SCHIP1: variants seen among roughly 807,000 people sequenced by gnomAD.
The protein encoded by SCHIP1 is schwannomin-interacting protein 1.
A neutral mutation model predicts 29.7 loss-of-function variants in SCHIP1; 8 were observed. The ratio of observed to expected loss-of-function variants is 0.27; its 90% CI spans 0.16 to 0.49. The LOEUF (loss-of-function observed/expected upper bound fraction) is 0.49. Among genes scored for constraint, SCHIP1 ranks in the 20% least tolerant of loss-of-function variants. The pLI is 0.99. For synonymous variants in SCHIP1, 76 were observed against 94.9 expected (o/e 0.80, Z 1.16); for missense variants, 193 against 294.6 (o/e 0.66, Z 2.52).
chr3:159,490,276 G>A, the SCHIP1 span, among the ~76,000 whole-genome samples: 3 of 152,106 alleles, frequency 2.0e-5, no homozygotes, highest in African/African-American at 7.2e-5. Flanking sequence ...AATGTTCAAG[G>A]CATTGTTGCT....
chr3:159,892,365 C>G (rs1717623326), intron 6 of SCHIP1, 175 bp downstream of exon 7: 2 of 684,210 alleles, frequency 2.9e-6, no homozygotes, highest in Non-Finnish European at 2.5e-6. Flanking sequence ...ATTGTCCTTA[C>G]CAAATGCATG....
the SCHIP1 span, among the ~76,000 whole-genome samples, chr3:159,706,860 G>C: frequency 2.6e-5 from 4 of 152,114 alleles, no homozygotes; most frequent in African/African-American, 4.8e-5. Context: ...CTGACTCAAG[G>C]CATCTTTAAT....
the SCHIP1 span, among the ~76,000 whole-genome samples, chr3:159,576,364 C>T: frequency 3.9e-4 from 60 of 152,230 alleles, 1 homozygote; most frequent in South Asian, 7.7e-3. Context: ...GAGAATTCTG[C>T]TATCAATCTA....
At chr3:159,488,769 G>GA in the SCHIP1 span, among the ~76,000 whole-genome samples, 1 of 152,094 alleles carries the variant, frequency 6.6e-6, no homozygotes, top group Non-Finnish European at 1.5e-5. Flanking sequence ...AATGTCATAG[G>GA]AAAAAAACAA....
At chr3:159,608,404 C>T in the SCHIP1 span, among the ~76,000 whole-genome samples, 1 of 152,282 alleles carries the variant, frequency 6.6e-6, no homozygotes, top group Non-Finnish European at 1.5e-5. Flanking sequence ...GCATTCTTTA[C>T]TAGGCCACAA....
chr3:159,813,988 A>G, the SCHIP1 span, among the ~76,000 whole-genome samples: 1 of 152,140 alleles, frequency 6.6e-6, no homozygotes, highest in Non-Finnish European at 1.5e-5. Context: ...GCAATGCAGA[A>G]GATGTTGTCA....
chr3:159,278,120 A>C, the SCHIP1 span, among the ~76,000 whole-genome samples: 1 of 152,194 alleles, frequency 6.6e-6, no homozygotes, highest in African/African-American at 2.4e-5. Flanking sequence ...GATAAGGGTC[A>C]TCAGTGCAGT....
chr3:159,858,208 A>T (rs554890805), intron 1 of SCHIP1, among the ~76,000 whole-genome samples: 1 of 152,310 alleles, frequency 6.6e-6, no homozygotes, highest in South Asian at 2.1e-4. Context: ...ATTCTCTGGG[A>T]GGCAATCATT....
chr3:159,520,547 A>G, the SCHIP1 span, among the ~76,000 whole-genome samples: 478 of 152,334 alleles, frequency 3.1e-3, 2 homozygotes, highest in Non-Finnish European at 5.2e-3. Context: ...TCTGCCTTCC[A>G]TATGTACCCT....
At chr3:159,764,719 G>A in the SCHIP1 span, 1 of 1,576,214 alleles carries the variant, frequency 6.3e-7, no homozygotes, top group East Asian at 2.3e-5. The surrounding 1 kb of genome is among the most constrained non-coding windows in gnomAD (Gnocchi z 6.1). Flanking sequence ...AGGGTACCGG[G>A]ATGACCGCTC....
chr3:159,412,201 A>G, the SCHIP1 span, among the ~76,000 whole-genome samples: 1 of 152,192 alleles, frequency 6.6e-6, no homozygotes. Flanking sequence ...GTGAAACAAG[A>G]TTTTGGACCC....
chr3:159,765,038 C>A, the SCHIP1 span: 1 of 1,551,348 alleles, frequency 6.4e-7, no homozygotes, highest in Non-Finnish European at 8.7e-7. Flanking sequence ...CCCCCGGTGC[C>A]ACCTATGGAT....
the SCHIP1 span, among the ~76,000 whole-genome samples, chr3:159,580,944 T>G: frequency 6.6e-6 from 1 of 152,172 alleles, no homozygotes; most frequent in Non-Finnish European, 1.5e-5. Context: ...ATTCATAAGG[T>G]GGCAGGGCAT....
At chr3:159,352,862 T>C in the SCHIP1 span, among the ~76,000 whole-genome samples, 1 of 151,964 alleles carries the variant, frequency 6.6e-6, no homozygotes, top group Non-Finnish European at 1.5e-5. Flanking sequence ...ATAACTTGGA[T>C]ATTTAAGTTT....
the SCHIP1 span, among the ~76,000 whole-genome samples, chr3:159,647,234 G>A: frequency 3.4e-3 from 524 of 152,114 alleles, 6 homozygotes; most frequent in African/African-American, 0.012. Context: ...CAAGAGGAGA[G>A]AGAAATCCAA....
chr3:159,574,284 A>G, the SCHIP1 span, among the ~76,000 whole-genome samples: 2 of 152,234 alleles, frequency 1.3e-5, no homozygotes, highest in East Asian at 3.9e-4. Flanking sequence ...GGTGACCCAC[A>G]GATGGGTTTT....
At chr3:159,730,573 T>C in the SCHIP1 span, among the ~76,000 whole-genome samples, 4 of 152,208 alleles carry the variant, frequency 2.6e-5, no homozygotes, top group Admixed American at 2.0e-4. Context: ...CTCTTTTTAA[T>C]TATTTCATTA....
At chr3:159,341,994 T>C in the SCHIP1 span, among the ~76,000 whole-genome samples, 1 of 152,206 alleles carries the variant, frequency 6.6e-6, no homozygotes, top group Non-Finnish European at 1.5e-5. Flanking sequence ...TGTAAGGGAA[T>C]ATATATAGTT....
At chr3:159,649,524 T>G in the SCHIP1 span, among the ~76,000 whole-genome samples, 1 of 151,846 alleles carries the variant, frequency 6.6e-6, no homozygotes, top group African/African-American at 2.4e-5. Context: ...CAAAATGAAC[T>G]GAGAAATAAT....
Sources: allele counts gnomAD v4.1 joint callset (sites outside exome capture counted in the v4.1 genomes callset), GRCh38; gene constraint gnomAD v4.1.1; non-coding constraint Gnocchi (gnomAD v3.1); transcripts MANE v1.5; gene names NCBI Gene and HGNC (gene_info 2026-07-23, HGNC 2026-07-21).